The following PITPNC1 variants were observed in gnomAD, a reference collection of about 807,000 sequenced individuals.
PITPNC1 encodes phosphatidylinositol transfer protein cytoplasmic 1.
Under a neutral mutation model 44.7 loss-of-function variants are expected in PITPNC1, and 18 were observed. The ratio of observed to expected loss-of-function variants is 0.40; its 90% CI spans 0.28 to 0.60. PITPNC1 has a LOEUF of 0.60. Ranked by LOEUF, PITPNC1 falls within the 20% of genes least tolerant of loss-of-function variation. The pLI is 0.39. For missense variants in PITPNC1, 290 were observed against 418.4 expected (o/e 0.69, Z 2.68); for synonymous variants, 141 against 149.6 (o/e 0.94, Z 0.42).
At chr17:67,466,748 A>G (rs2039433274) in intron 1 of PITPNC1, among the ~76,000 whole-genome samples, 1 of 152,118 alleles carries the variant, frequency 6.6e-6, no homozygotes, top group South Asian at 2.1e-4. Flanking sequence ...TGGGAGTCGC[A>G]GGAGGAGTGC....
At chr17:67,563,759 C>T (rs888783885) in intron 4 of PITPNC1, among the ~76,000 whole-genome samples, 8 of 152,226 alleles carry the variant, frequency 5.3e-5, no homozygotes, top group African/African-American at 1.9e-4. Flanking sequence ...ACAGGAACCA[C>T]TTGAAGCAGC....
At chr17:67,550,771 G>A (rs529260158) in intron 2 of PITPNC1, among the ~76,000 whole-genome samples, 6 of 152,278 alleles carry the variant, frequency 3.9e-5, no homozygotes, top group Middle Eastern at 3.4e-3. Flanking sequence ...GAATAAAAAT[G>A]AAATCATGGG....
chr17:67,647,481 T>TGC (rs2042164915), intron 6 of PITPNC1, among the ~76,000 whole-genome samples: 1 of 140,418 alleles, frequency 7.1e-6, no homozygotes, highest in South Asian at 2.3e-4. Context: ...TTTTTTTTTT[T>TGC]TTTTTTTTTT....
At chr17:67,556,298 T>C (rs1460212812) in intron 4 of PITPNC1, among the ~76,000 whole-genome samples, 1 of 152,166 alleles carries the variant, frequency 6.6e-6, no homozygotes, top group Non-Finnish European at 1.5e-5. Flanking sequence ...GGTTACTCAG[T>C]ATCATGGTGC....
intron 1 of PITPNC1, among the ~76,000 whole-genome samples, chr17:67,394,144 AT>A (rs1377210078): frequency 6.6e-6 from 1 of 151,954 alleles, no homozygotes; most frequent in Admixed American, 6.6e-5. Context: ...GACCCATCTT[AT>A]TTTTTAAAGA....
chr17:67,512,511 A>ACAAACAAACAAC (rs1568021009), intron 1 of PITPNC1, among the ~76,000 whole-genome samples: 3 of 150,704 alleles, frequency 2.0e-5, no homozygotes, highest in Admixed American at 6.6e-5. Flanking sequence ...AAAAAAAAAA[A>ACAAACAAACAAC]AAAAAAAAAA....
rs1180642060 is a variant in PITPNC1, at chr17:67,532,937, G to A, written c.184G>A (p.Val62Met). 6.2e-6 allele frequency: 10 copies of A among 1,609,854 alleles called. No homozygotes were observed. The highest frequency in any genetic ancestry group is 2.2e-5 in the East Asian group (1 of 44,832). ...HGNGQFTEKRVYLNSKLPSWA... is the reference protein window; with the variant it reads ...HGNGQFTEKRMYLNSKLPSWA... The stretch of plus-strand genomic sequence containing the variant: ...CAATGGGCAGTTCACCGAGAAGCGG[G>A]TGTATCTCAACAGGTGAGTCATGGC... Residue 62 changes from valine (V) to methionine (M), a missense_variant, in exon 2 of 9, where the codon GTG (valine) becomes ATG (methionine). Physicochemically the swap from Val to Met is conservative, Grantham distance 21. Coordinates refer to ENST00000581322, the MANE Select transcript of PITPNC1 (RefSeq NM_012417.4).
intron 5 of PITPNC1, among the ~76,000 whole-genome samples, chr17:67,589,140 G>A (rs747067111): frequency 2.6e-5 from 4 of 152,144 alleles, no homozygotes; most frequent in South Asian, 2.1e-4. Context: ...TGAGGACAAT[G>A]GAAAACAGAT....
intron 4 of PITPNC1, among the ~76,000 whole-genome samples, chr17:67,560,314 T>C (rs1175456438): frequency 6.6e-6 from 1 of 152,224 alleles, no homozygotes; most frequent in Non-Finnish European, 1.5e-5. Flanking sequence ...TAAATGTTAT[T>C]TTTTTCTAAA....
At chr17:67,636,024 C>T (rs1387580648) in intron 6 of PITPNC1, among the ~76,000 whole-genome samples, 2 of 152,102 alleles carry the variant, frequency 1.3e-5, no homozygotes, top group Non-Finnish European at 2.9e-5. Context: ...TCCAGCTGGG[C>T]GCGGTGGCTC....
intron 1 of PITPNC1, among the ~76,000 whole-genome samples, chr17:67,440,602 G>A (rs1462201242): frequency 1.3e-5 from 2 of 151,396 alleles, no homozygotes; most frequent in African/African-American, 2.4e-5. Flanking sequence ...TGCCATCATG[G>A]CTCACTGCAG....
intron 4 of PITPNC1, among the ~76,000 whole-genome samples, chr17:67,574,414 A>G (rs1416550881): frequency 2.6e-5 from 4 of 152,220 alleles, no homozygotes; most frequent in Non-Finnish European, 5.9e-5. Context: ...TCTATCATGC[A>G]GTTCATGTCC....
rs932192681 is a variant in PITPNC1 at position 67,525,878 on chromosome 17, C to T, written c.49-6924C>T. 3.9e-5 allele frequency among the ~76,000 whole-genome samples: 6 copies of T among 152,188 alleles called. No homozygotes were observed. In the East Asian group the frequency reaches 5.8e-4, roughly 15 times the overall value. On this transcript the variant is annotated intron_variant, in intron 1 of 8. Transcript: ENST00000581322. ...GCCAGTGTGAGGCAGGAATCACACA[C>T]GTTTCACAGCTGGGTAAATATGTGA...
intron 1 of PITPNC1, among the ~76,000 whole-genome samples, chr17:67,407,457 G>C (rs181771843): frequency 1.9e-3 from 289 of 152,128 alleles, no homozygotes; most frequent in Admixed American, 3.3e-3. Context: ...TCTGTGGTTT[G>C]TCTTTTCACT....
chr17:67,432,274 G>A (rs2038867514), intron 1 of PITPNC1, among the ~76,000 whole-genome samples: 1 of 152,150 alleles, frequency 6.6e-6, no homozygotes, highest in African/African-American at 2.4e-5. Context: ...TGGATCACGA[G>A]GTCAGGAGAT....
At chr17:67,438,288 A>G (rs1208290734) in intron 1 of PITPNC1, among the ~76,000 whole-genome samples, 1 of 149,988 alleles carries the variant, frequency 6.7e-6, no homozygotes, top group Non-Finnish European at 1.5e-5. Context: ...TAGAATTTGG[A>G]TAAAGAGAAC....
At chr17:67,479,861 T>C (rs1467462792) in intron 1 of PITPNC1, among the ~76,000 whole-genome samples, 1 of 152,242 alleles carries the variant, frequency 6.6e-6, no homozygotes, top group East Asian at 1.9e-4. Context: ...TCTATTTCAA[T>C]GGTCTGCCTC....
At chr17:67,388,383 G>A (rs2038086602) in intron 1 of PITPNC1, among the ~76,000 whole-genome samples, 3 of 147,348 alleles carry the variant, frequency 2.0e-5, no homozygotes, top group South Asian at 2.1e-4. Flanking sequence ...CTGGAGTGCA[G>A]TTCTTTCAGC....
At chr17:67,537,049 A>G (rs917431164) in intron 2 of PITPNC1, among the ~76,000 whole-genome samples, 2 of 152,196 alleles carry the variant, frequency 1.3e-5, no homozygotes, top group Non-Finnish European at 2.9e-5. Flanking sequence ...TACTATATAA[A>G]ACATTAGCGA....
Sources: gnomAD v4.1 joint callset for allele counts (sites outside exome capture counted in the v4.1 genomes callset) on GRCh38, gnomAD v4.1.1 for gene constraint, MANE v1.5 for transcripts, NCBI Gene and HGNC (gene_info 2026-07-23, HGNC 2026-07-21) for gene names.